The following FGF12 variants were observed in gnomAD, a reference collection of about 807,000 sequenced individuals.
FGF12 encodes the protein fibroblast growth factor 12.
FGF12 carries 14 observed loss-of-function variants against 23.6 expected under a neutral mutation model. The ratio of observed to expected loss-of-function variants is 0.59; its 90% CI spans 0.39 to 0.93. The LOEUF is 0.93. FGF12 is among the 40% of genes least tolerant of loss of function. FGF12 has a pLI of 0.00. For synonymous variants in FGF12, 62 were observed against 77.3 expected (o/e 0.80, Z 1.04); for missense variants, 175 against 217.8 (o/e 0.80, Z 1.24).
intron 5 of FGF12, among the ~76,000 whole-genome samples, chr3:192,158,551 T>TCTCC (rs771743005): frequency 8.9e-6 from 1 of 112,988 alleles, no homozygotes; most frequent in Non-Finnish European, 1.7e-5. Context: ...GCCCTCCCTC[T>TCTCC]CTCCCTCCCT....
At chr3:192,175,998 G>GT (rs1436663115) in intron 4 of FGF12, among the ~76,000 whole-genome samples, 2 of 152,148 alleles carry the variant, frequency 1.3e-5, no homozygotes, top group African/African-American at 4.8e-5. Flanking sequence ...GCCTCTAACT[G>GT]TGTCAGCTTT....
chr3:192,362,795 G>A (rs181442260), intron 2 of FGF12, among the ~76,000 whole-genome samples: 19 of 152,190 alleles, frequency 1.2e-4, no homozygotes, highest in South Asian at 4.2e-4. Context: ...TCAAGGACAC[G>A]GTATAAGGGA....
At chr3:192,518,999 TATAAA>T (rs1724749670) in intron 2 of FGF12, among the ~76,000 whole-genome samples, 1 of 152,160 alleles carries the variant, frequency 6.6e-6, no homozygotes, top group African/African-American at 2.4e-5. Context: ...ATGCAAATGT[TATAAA>T]ATAAGACTGA....
chr3:192,506,742 T>G (rs1377657351), intron 2 of FGF12, among the ~76,000 whole-genome samples: 1 of 152,066 alleles, frequency 6.6e-6, no homozygotes, highest in East Asian at 1.9e-4. Context: ...AGATTCTATT[T>G]ATAATTTGCT....
chr3:192,585,931 A>G, intron 2 of FGF12, among the ~76,000 whole-genome samples: 1 of 152,254 alleles, frequency 6.6e-6, no homozygotes, highest in East Asian at 1.9e-4. Flanking sequence ...AAGAAAGCAT[A>G]CAGTAGTAGC....
rs147461282 is a variant in FGF12, at chr3:192,696,352, A to C, written c.13+30829T>G. Among the ~76,000 whole-genome samples, 183 of 152,198 alleles carry C rather than the reference A, an allele frequency of 1.2e-3. 2 individuals carry two copies. In the East Asian group the frequency reaches 0.03, roughly 25 times the overall value. On this transcript the variant is annotated intron_variant, in intron 2 of 5. Transcript: ENST00000445105. ...CTAGCAATTCTTATCAGATTCACTC[A>C]TTGAGGGCACCATGTGGGCAATGGC...
At chr3:192,311,173 T>C (rs557938501) in intron 4 of FGF12, among the ~76,000 whole-genome samples, 2 of 152,310 alleles carry the variant, frequency 1.3e-5, no homozygotes, top group Non-Finnish European at 2.9e-5. Flanking sequence ...TACAGTTCAC[T>C]CATTCAAAGT....
At chr3:192,183,165 T>C (rs1307647612) in intron 4 of FGF12, among the ~76,000 whole-genome samples, 1 of 152,054 alleles carries the variant, frequency 6.6e-6, no homozygotes, top group Non-Finnish European at 1.5e-5. Flanking sequence ...CAAATCCTTT[T>C]TATGGATCTG....
rs1001794227 is a variant in FGF12, at chr3:192,143,076, T to G, written c.*933A>C. On this transcript the variant is annotated 3_prime_UTR_variant, in exon 6 of 6. Coordinates refer to ENST00000445105, the MANE Select transcript of FGF12 (RefSeq NM_004113.6). ...TCTCAGGTGTCCACACCTGAGACAT[T>G]GCTTTGTGGATACTCTCAAAGGTGT... is the stretch of plus-strand genomic sequence containing the variant. The G allele has an allele frequency of 6.6e-6, 1 of 151,978 alleles. No homozygotes were observed. Among genetic ancestry groups the G allele is most frequent in the African/African-American group, 2.4e-5 (1 of 41,412 alleles). 9.4% of individuals were successfully genotyped at this position (151,978 alleles called of 1,614,324 possible). A position where few individuals can be genotyped will look rare whatever the true frequency, so the allele number is the denominator to read the frequency against.
At chr3:192,434,693 G>C (rs1386652070) in intron 2 of FGF12, among the ~76,000 whole-genome samples, 2 of 152,122 alleles carry the variant, frequency 1.3e-5, no homozygotes, top group Non-Finnish European at 2.9e-5. Context: ...TTGGGTCATA[G>C]AGTTGATTTT....
intron 4 of FGF12, among the ~76,000 whole-genome samples, chr3:192,199,376 T>C (rs1717242134): frequency 6.6e-6 from 1 of 152,224 alleles, no homozygotes; most frequent in African/African-American, 2.4e-5. Flanking sequence ...ATGTAAGACA[T>C]ACATCATAAC....
chr3:192,341,698 G>C (rs1717699391), intron 3 of FGF12, among the ~76,000 whole-genome samples: 1 of 152,098 alleles, frequency 6.6e-6, no homozygotes, highest in Non-Finnish European at 1.5e-5. Context: ...AATGAGAAAA[G>C]AAAAACTAAA....
intron 2 of FGF12, among the ~76,000 whole-genome samples, chr3:192,504,569 T>C (rs577194969): frequency 2.0e-4 from 30 of 152,260 alleles, no homozygotes; most frequent in African/African-American, 5.5e-4. Context: ...CGGGGGGAAA[T>C]TGAACACGTG....
Position 192,569,727 on chromosome 3 carries a change from T to C in FGF12, c.13+157454A>G, listed in dbSNP as rs77734650. Among the ~76,000 whole-genome samples the C allele has an allele frequency of 2.2e-3, 331 of 152,362 alleles. 1 individual carries two copies. The highest frequency in any genetic ancestry group is 3.2e-3 in the Non-Finnish European group (217 of 68,030). On this transcript the variant is annotated intron_variant, in intron 2 of 5. Coordinates refer to ENST00000445105, the MANE Select transcript of FGF12 (RefSeq NM_004113.6). ...AACTGGTAAGTTGCAGAATGAGGAT[T>C]TGAACTCAGATCTGTCTGATTCCAG...
At chr3:192,167,295 C>T (rs1350879085) in intron 5 of FGF12, among the ~76,000 whole-genome samples, 1 of 152,008 alleles carries the variant, frequency 6.6e-6, no homozygotes, top group Non-Finnish European at 1.5e-5. Context: ...GAAAACTGGC[C>T]CTGGCTTTTC....
chr3:192,725,286 T>TG (rs1262759146), intron 2 of FGF12, among the ~76,000 whole-genome samples: 1 of 150,018 alleles, frequency 6.7e-6, no homozygotes, highest in Non-Finnish European at 1.5e-5. Flanking sequence ...TTCATCATGT[T>TG]TTTTTTTTTT....
In FGF12 at chr3:192,408,917, A is replaced by C; in HGVS notation, c.14-48379T>G. The C allele has an allele frequency of 2.0e-6, 2 of 985,224 alleles. No homozygotes were observed. Among genetic ancestry groups the C allele is most frequent in the Non-Finnish European group, 2.4e-6 (2 of 829,946 alleles). The allele number at this position is 985,224 out of a possible 1,614,324, so 61.0% of individuals were successfully genotyped here. On this transcript the variant is annotated intron_variant, in intron 2 of 5. Coordinates refer to ENST00000445105, the MANE Select transcript of FGF12 (RefSeq NM_004113.6). This position sits in a 1 kb window ranked among gnomAD's most constrained non-coding sequence, Gnocchi z 7.3. Reference sequence around the variant, plus strand: ...TGCATCGCGCCGGCTGCGGCTTTCCAGGGGCCGGCCACCCGAGTTCTGGAA... The same window carrying C: ...TGCATCGCGCCGGCTGCGGCTTTCCCGGGGCCGGCCACCCGAGTTCTGGAA...
chr3:192,317,411 T>C (rs1364577338), intron 4 of FGF12, among the ~76,000 whole-genome samples: 1 of 151,944 alleles, frequency 6.6e-6, no homozygotes, highest in East Asian at 1.9e-4. Context: ...TGAGGAGCCC[T>C]TGGACATTGA....
At chr3:192,633,626 G>A (rs1295036919) in intron 2 of FGF12, among the ~76,000 whole-genome samples, 2 of 152,120 alleles carry the variant, frequency 1.3e-5, no homozygotes, top group Non-Finnish European at 2.9e-5. Context: ...GAGAAGTTAG[G>A]ATGTGCTGCT....
Sources: gnomAD v4.1 joint callset for allele counts (sites outside exome capture counted in the v4.1 genomes callset) on GRCh38, gnomAD v4.1.1 for gene constraint, Gnocchi (gnomAD v3.1) non-coding constraint, MANE v1.5 for transcripts, NCBI Gene and HGNC (gene_info 2026-07-23, HGNC 2026-07-21) for gene names.